The following ZFP64 variants were observed in gnomAD, a reference collection of about 807,000 sequenced individuals.
ZFP64 encodes the protein ZFP64 zinc finger protein.
In ZFP64, 14 loss-of-function variants were observed where a neutral mutation model predicts 51.6. That is an observed-to-expected ratio of 0.27 (90% CI 0.18 to 0.42). ZFP64 has a LOEUF of 0.42. ZFP64 is among the 10% of genes least tolerant of loss of function. ZFP64 has a pLI of 1.00. For missense variants in ZFP64, 754 were observed against 906.8 expected (o/e 0.83, Z 2.16); for synonymous variants, 375 against 361.4 (o/e 1.04, Z -0.43).
At position 52,181,164 on chromosome 20, in the gene ZFP64, G is replaced by A. The variant is rs144031656; in HGVS notation, c.286+5668C>T. ...TCACCACATTGGCCAGGCTGGTCTC[G>A]AACTCCTGACCTTGTGATCCACCCA... On this transcript the variant is annotated intron_variant, in intron 2 of 5. Transcript: ENST00000216923. Among the ~76,000 whole-genome samples, 886 of 152,118 alleles carry A rather than the reference G, an allele frequency of 5.8e-3. 11 individuals carry two copies. Among genetic ancestry groups the A allele is most frequent in the African/African-American group, 0.02 (847 of 41,484 alleles).
intron 6 of ZFP64, among the ~76,000 whole-genome samples, chr20:52,098,160 T>G (rs1600699373): frequency 3.8e-5 from 4 of 105,260 alleles, no homozygotes; most frequent in African/African-American, 1.2e-4. Flanking sequence ...GCAACAAGAG[T>G]GAAACTGTCT....
chr20:52,152,119 C>A lies in ZFP64; in HGVS notation c.*27G>T. On this transcript the variant is annotated 3_prime_UTR_variant, in exon 6 of 6. Transcript: ENST00000216923. Reference sequence around the variant, plus strand: ...AAGATTTCTTTTTCTCAATTCCTTTCCCCCACTCCTTTTGTTTTTTTAAGC... The same window carrying A: ...AAGATTTCTTTTTCTCAATTCCTTTACCCCACTCCTTTTGTTTTTTTAAGC... The A allele has an allele frequency of 6.3e-7, 1 of 1,580,992 alleles. No homozygotes were observed. Among genetic ancestry groups the A allele is most frequent in the South Asian group, 1.1e-5 (1 of 89,440 alleles).
intron 7 of ZFP64, among the ~76,000 whole-genome samples, chr20:52,091,595 T>C (rs1600687810): frequency 6.6e-6 from 1 of 152,178 alleles, no homozygotes. Context: ...AAATGGTTTT[T>C]CAAAAATGTC....
chr20:52,087,871 T>C (rs762914277), intron 8 of ZFP64, among the ~76,000 whole-genome samples: 6 of 152,212 alleles, frequency 3.9e-5, no homozygotes, highest in African/African-American at 1.2e-4. Flanking sequence ...TCCTGTCTGC[T>C]CACCATTTTC....
rs963960144 is a variant in ZFP64, at chr20:52,160,955, AGCAGGTGAGG to A, written c.512-591_512-582del. Among the ~76,000 whole-genome samples, 9 of 151,940 alleles carry A rather than the reference AGCAGGTGAGG, an allele frequency of 5.9e-5. No individual in the cohort carries two copies. Among genetic ancestry groups the A allele is most frequent in the African/African-American group, 2.2e-4 (9 of 41,446 alleles). On this transcript the variant is annotated intron_variant, in intron 4 of 5. Transcript: ENST00000216923. The surrounding 1 kb of genome is among the most constrained non-coding windows in gnomAD (Gnocchi z 4.2). ...TCTAGCCAAGGCATGGGGATAAGGCAGCAGGTGAGGGCAGGTGAGTGAGTCGGTGAGCGCA... is the reference window on the plus strand; with the variant it reads ...TCTAGCCAAGGCATGGGGATAAGGCAGCAGGTGAGTGAGTCGGTGAGCGCA...
intron 5 of ZFP64, chr20:52,104,632 G>C (rs2079090791): frequency 2.1e-6 from 1 of 466,472 alleles, no homozygotes; most frequent in African/African-American, 2.0e-5. Context: ...CCTCGGCCTG[G>C]AATGCTCTTC....
chr20:52,099,286 C>T (rs2079026047), intron 5 of ZFP64, among the ~76,000 whole-genome samples: 1 of 150,256 alleles, frequency 6.7e-6, no homozygotes, highest in Non-Finnish European at 1.5e-5. Context: ...TCATTAGATA[C>T]AGCAAAAAGC....
exon 8 of ZFP64, chr20:52,088,580 A>G (rs1437252744): frequency 1.2e-6 from 2 of 1,614,208 alleles, no homozygotes; most frequent in Non-Finnish European, 1.7e-6. Flanking sequence ...CCGCATGTGC[A>G]TGGTCAGGTT....
At chr20:52,135,660 G>A (rs1979934196) in intron 5 of ZFP64, among the ~76,000 whole-genome samples, 1 of 151,560 alleles carries the variant, frequency 6.6e-6, no homozygotes, top group African/African-American at 2.4e-5. Context: ...CTAATTTTTT[G>A]GTAATTTTTG....
intron 7 of ZFP64, among the ~76,000 whole-genome samples, chr20:52,089,906 G>T (rs537211698): frequency 1.3e-5 from 2 of 152,226 alleles, no homozygotes; most frequent in African/African-American, 4.8e-5. Context: ...GGAAATATCT[G>T]TATCTTCTTG....
chr20:52,188,232 C>A (rs543969289), intron 1 of ZFP64, among the ~76,000 whole-genome samples: 1 of 152,064 alleles, frequency 6.6e-6, no homozygotes, highest in South Asian at 2.1e-4. Flanking sequence ...TTTCATTAGG[C>A]CAGTATAATT....
At chr20:52,105,262 C>T (rs925730624) in intron 5 of ZFP64, 6 of 1,330,068 alleles carry the variant, frequency 4.5e-6, no homozygotes, top group Non-Finnish European at 5.7e-6. Flanking sequence ...GCTCCCCGCG[C>T]GTCCCTAGGA....
intron 5 of ZFP64, among the ~76,000 whole-genome samples, chr20:52,117,938 A>G (rs1292951525): frequency 1.3e-5 from 2 of 151,620 alleles, no homozygotes; most frequent in Admixed American, 6.6e-5. Flanking sequence ...TGGAACTACA[A>G]GTGCACACCA....
intron 1 of ZFP64, among the ~76,000 whole-genome samples, chr20:52,188,779 T>C (rs774859055): frequency 6.6e-5 from 10 of 151,904 alleles, no homozygotes; most frequent in Non-Finnish European, 1.3e-4. Context: ...GAGACCATCC[T>C]GGCTAACATG....
chr20:52,139,850 T>TG (rs1300550111), intron 5 of ZFP64, among the ~76,000 whole-genome samples: 2 of 146,788 alleles, frequency 1.4e-5, no homozygotes, highest in Non-Finnish European at 1.5e-5. Flanking sequence ...GCTGAGTTGT[T>TG]TTTTTTTTTT....
chr20:52,151,804 C>A lies in ZFP64; in HGVS notation c.*342G>T, dbSNP rs1600757033. On this transcript the variant is annotated 3_prime_UTR_variant, in exon 6 of 6. Transcript: ENST00000216923. ...TGGTGGCTCACACCTGTAATCCCAG[C>A]ACTTTGGGAGGCTGAGGTGGGCAGA... 1 of 1,070,388 alleles carries A rather than the reference C, an allele frequency of 9.3e-7. No homozygotes were observed. The highest frequency in any genetic ancestry group is 1.1e-6 in the Non-Finnish European group (1 of 880,054). 66.3% of individuals were successfully genotyped at this position (1,070,388 alleles called of 1,614,324 possible). A position where few individuals can be genotyped will look rare whatever the true frequency, so the allele number is the denominator to read the frequency against.
At chr20:52,100,140 C>T (rs995353458) in intron 5 of ZFP64, among the ~76,000 whole-genome samples, 22 of 152,184 alleles carry the variant, frequency 1.4e-4, no homozygotes, top group Non-Finnish European at 2.9e-5. Context: ...CAGGCACCCA[C>T]CACCATGCCC....
chr20:52,123,766 G>A (rs1329701880), intron 5 of ZFP64, among the ~76,000 whole-genome samples: 1 of 151,986 alleles, frequency 6.6e-6, no homozygotes, highest in East Asian at 1.9e-4. Context: ...AAGAATGAAT[G>A]GGTTTTGCAT....
chr20:52,172,201 GT>G, intron 2 of ZFP64, among the ~76,000 whole-genome samples: 1 of 151,408 alleles, frequency 6.6e-6, no homozygotes, highest in South Asian at 2.1e-4. Flanking sequence ...GTGTGTGTGT[GT>G]TGGTGTGTGT....
Sources: allele counts gnomAD v4.1 joint callset (sites outside exome capture counted in the v4.1 genomes callset), GRCh38; gene constraint gnomAD v4.1.1; non-coding constraint Gnocchi (gnomAD v3.1); transcripts MANE v1.5; gene names NCBI Gene and HGNC (gene_info 2026-07-23, HGNC 2026-07-21).